The following CNTN1 variants were observed in gnomAD, a reference collection of about 807,000 sequenced individuals.
CNTN1 encodes the protein contactin-1.
Under a neutral mutation model 126.4 loss-of-function variants are expected in CNTN1, and 38 were observed. That is an observed-to-expected ratio of 0.30 (90% CI 0.23 to 0.39). The LOEUF is 0.39. Among genes scored for constraint, CNTN1 ranks in the 10% least tolerant of loss-of-function variants. The pLI is 1.00. For synonymous variants in CNTN1, 413 were observed against 422.6 expected, an observed-to-expected ratio of 0.98 and a Z score of 0.28; for missense variants, 1,009 against 1,248.4, an observed-to-expected ratio of 0.81 and a Z score of 2.89.
intron 23 of CNTN1, among the ~76,000 whole-genome samples, chr12:41,043,792 A>G (rs1440923265): frequency 2.6e-5 from 4 of 151,510 alleles, no homozygotes; most frequent in African/African-American, 9.7e-5. Flanking sequence ...AATGTGGCAC[A>G]TATACACCAT....
At chr12:40,935,668 T>G (rs1317982045) in intron 9 of CNTN1, among the ~76,000 whole-genome samples, 1 of 152,022 alleles carries the variant, frequency 6.6e-6, no homozygotes, top group Non-Finnish European at 1.5e-5. Flanking sequence ...AAATAAAACC[T>G]TTCTCCCTTA....
At chr12:40,847,239 C>T (rs1225121882) in intron 1 of CNTN1, among the ~76,000 whole-genome samples, 1 of 152,024 alleles carries the variant, frequency 6.6e-6, no homozygotes, top group African/African-American at 2.4e-5. Flanking sequence ...TAAAGGGCAC[C>T]CATTTTTCTT....
chr12:40,909,993 C>A, intron 2 of CNTN1, 80 bp from the exon 3 acceptor site: 1 of 1,041,758 alleles, frequency 9.6e-7, no homozygotes. Flanking sequence ...TGTCTAGCAT[C>A]TCAGCTATTT....
At chr12:40,988,967 C>T (rs1385701299) in intron 16 of CNTN1, among the ~76,000 whole-genome samples, 2 of 152,186 alleles carry the variant, frequency 1.3e-5, no homozygotes, top group Admixed American at 6.5e-5. Flanking sequence ...CCTGATCCAT[C>T]CCCAGTATTT....
intron 23 of CNTN1, among the ~76,000 whole-genome samples, chr12:41,053,791 G>T (rs969463654): frequency 8.6e-5 from 13 of 151,518 alleles, no homozygotes; most frequent in African/African-American, 2.7e-4. Context: ...AAGGAATAAA[G>T]AATTATTTAA....
At chr12:40,938,637 T>A (rs1194181052) in intron 11 of CNTN1, among the ~76,000 whole-genome samples, 1 of 152,216 alleles carries the variant, frequency 6.6e-6, no homozygotes, top group African/African-American at 2.4e-5. Flanking sequence ...GAGGATTGAC[T>A]AGGACCATAT....
At chr12:40,944,928 C>T (rs1394390773) in intron 14 of CNTN1, among the ~76,000 whole-genome samples, 2 of 151,932 alleles carry the variant, frequency 1.3e-5, no homozygotes, top group Admixed American at 6.6e-5. Flanking sequence ...ATTAGGAAAA[C>T]TTTTATTTTA....
chr12:40,822,007 A>G (rs1941453939), intron 1 of CNTN1, among the ~76,000 whole-genome samples: 1 of 152,034 alleles, frequency 6.6e-6, no homozygotes, highest in East Asian at 1.9e-4. Flanking sequence ...AATAAATAGT[A>G]CTATGTGCAA....
intron 1 of CNTN1, among the ~76,000 whole-genome samples, chr12:40,844,069 A>ATT (rs397957366): frequency 0.073 from 6,204 of 84,646 alleles, 1,472 homozygotes; most frequent in African/African-American, 0.12. Context: ...TGGCACAATG[A>ATT]TTTTTTTTTT....
intron 1 of CNTN1, among the ~76,000 whole-genome samples, chr12:40,867,975 A>G (rs1410094004): frequency 6.6e-6 from 1 of 151,618 alleles, no homozygotes; most frequent in Non-Finnish European, 1.5e-5. Context: ...ACTGGATTAC[A>G]TCTTAGCTTT....
At chr12:41,049,911 GTT>G (rs1297656172) in intron 23 of CNTN1, among the ~76,000 whole-genome samples, 1 of 151,978 alleles carries the variant, frequency 6.6e-6, no homozygotes, top group Non-Finnish European at 1.5e-5. Context: ...TAATTTTTTT[GTT>G]TTGAGATGGA....
At chr12:40,969,079 G>A (rs905590242) in intron 15 of CNTN1, among the ~76,000 whole-genome samples, 9 of 152,198 alleles carry the variant, frequency 5.9e-5, no homozygotes, top group African/African-American at 1.9e-4. Context: ...TAGCCTCATT[G>A]CTGAAAATAT....
chr12:40,835,799 T>TACACACACAC (rs10556497), intron 1 of CNTN1, among the ~76,000 whole-genome samples: 66 of 142,530 alleles, frequency 4.6e-4, no homozygotes, highest in African/African-American at 1.4e-3. Flanking sequence ...ATGCTATTTA[T>TACACACACAC]ACACACACAC....
chr12:40,762,310 A>G (rs1938893035), intron 1 of CNTN1, among the ~76,000 whole-genome samples: 1 of 152,214 alleles, frequency 6.6e-6, no homozygotes, highest in African/African-American at 2.4e-5. Context: ...ATTTTGTAGA[A>G]CACCTTCATC....
At chr12:40,871,292 A>G (rs146183765) in intron 1 of CNTN1, among the ~76,000 whole-genome samples, 1 of 152,040 alleles carries the variant, frequency 6.6e-6, no homozygotes, top group East Asian at 1.9e-4. Context: ...TGGAGCTGAG[A>G]TAGATTGAAT....
At chr12:40,908,306 C>T in intron 1 of CNTN1, 51 bp from the exon 2 acceptor site, 5 of 647,894 alleles carry the variant, frequency 7.7e-6, no homozygotes, top group Admixed American at 2.8e-5. Flanking sequence ...CTTCCTTCCC[C>T]TCTCCTTCCT....
chr12:40,915,631 G>A (rs1389294953), intron 3 of CNTN1, among the ~76,000 whole-genome samples: 1 of 151,320 alleles, frequency 6.6e-6, no homozygotes, highest in Non-Finnish European at 1.5e-5. Context: ...AGTCAGAGAA[G>A]GTTCAAAGGA....
chr12:40,792,693 A>T lies in CNTN1; in HGVS notation c.-77+100101A>T, dbSNP rs558960566. 8.5e-4 allele frequency among the ~76,000 whole-genome samples: 130 copies of T among 152,154 alleles called. 1 individual carries two copies. Among genetic ancestry groups the T allele is most frequent in the East Asian group, 1.5e-3 (8 of 5,166 alleles). Reference sequence around the variant, plus strand: ...ATTATTTGTCTTATATTTATTATTGAACTATGAGGTGTTGACTTTTGTGGG... The same window carrying T: ...ATTATTTGTCTTATATTTATTATTGTACTATGAGGTGTTGACTTTTGTGGG... On this transcript the variant is annotated intron_variant, in intron 1 of 23. Coordinates refer to ENST00000551295, the MANE Select transcript of CNTN1 (RefSeq NM_001843.4).
At chr12:41,041,310 G>T (rs1280588826) in intron 23 of CNTN1, among the ~76,000 whole-genome samples, 3 of 152,096 alleles carry the variant, frequency 2.0e-5, no homozygotes, top group Non-Finnish European at 4.4e-5. Flanking sequence ...TGCTGGATTT[G>T]ACTTGCCAGT....
Sources: gnomAD v4.1 joint callset for allele counts (sites outside exome capture counted in the v4.1 genomes callset) on GRCh38, gnomAD v4.1.1 for gene constraint, MANE v1.5 for transcripts, NCBI Gene and HGNC (gene_info 2026-07-23, HGNC 2026-07-21) for gene names.